Variants in CCDC171 observed in about 807,000 individuals in gnomAD.
CCDC171 encodes coiled-coil domain-containing protein 171.
A neutral mutation model predicts 168.2 loss-of-function variants in CCDC171; 177 were observed. The observed-to-expected ratio is 1.05, with a 90% CI of 0.93 to 1.19. The LOEUF (loss-of-function observed/expected upper bound fraction) is 1.19. Ranked by LOEUF, CCDC171 falls within the 50% of genes most tolerant of loss-of-function variation. The pLI is 0.00. For synonymous variants in CCDC171, 687 were observed against 540.8 expected (o/e 1.27, Z -3.75); for missense variants, 1,991 against 1,539.0 (o/e 1.29, Z -4.91).
chr9:15,921,050 T>C (rs1438317463), intron 25 of CCDC171, among the ~76,000 whole-genome samples: 2 of 151,696 alleles, frequency 1.3e-5, no homozygotes, highest in Non-Finnish European at 3.0e-5. Context: ...TAAGTAAACA[T>C]TTAAACTTTC....
intron 21 of CCDC171, among the ~76,000 whole-genome samples, chr9:15,800,301 C>G (rs1441010504): frequency 6.6e-6 from 1 of 152,022 alleles, no homozygotes; most frequent in Non-Finnish European, 1.5e-5. Context: ...AGGATAAAAG[C>G]CATTTTAACT....
Position 15,817,015 on chromosome 9 carries a change from T to A in CCDC171, c.3268-29687T>A, listed in dbSNP as rs1047334744. ...ATAAAAGAAGTTTTATAGTTATGTG[T>A]GTGTGTGTATTTCCTTAAGGCTGTG... On this transcript the variant is annotated intron_variant, in intron 21 of 25. Transcript: ENST00000380701. 3.7e-4 allele frequency among the ~76,000 whole-genome samples: 44 copies of A among 117,918 alleles called. 11 individuals are homozygous for A. Among genetic ancestry groups the A allele is most frequent in the African/African-American group, 1.4e-3 (44 of 31,444 alleles). 77.4% of individuals were successfully genotyped at this position (117,918 alleles called of 152,430 possible).
At chr9:15,737,225 G>T (rs1234126039) in intron 16 of CCDC171, among the ~76,000 whole-genome samples, 1 of 152,016 alleles carries the variant, frequency 6.6e-6, no homozygotes, top group African/African-American at 2.4e-5. Flanking sequence ...ACACTGTGTT[G>T]CATGCTGTGG....
Position 15,779,037 on chromosome 9 carries a change from C to G in CCDC171, c.2968C>G (p.Arg990Gly), listed in dbSNP as rs753856863. 1.2e-6 allele frequency: 2 copies of G among 1,602,082 alleles called. No individual in the cohort carries two copies. The highest frequency in any genetic ancestry group is 2.3e-5 in the East Asian group (1 of 44,420). The change falls in exon 20 of 26, where the codon CGC (arginine) becomes GGC (glycine). Residue 990 changes from arginine to glycine, a missense_variant. Physicochemically the swap from Arg to Gly is moderately radical, Grantham distance 125. Coordinates refer to ENST00000380701, the MANE Select transcript of CCDC171 (RefSeq NM_173550.4). ...AAGACTGCATGCTGCAGAAGTGGAG[C>G]GCCGCTCACTACGCTTAGAGGTCAC... ...TQRLHAAEVE[R>G]RSLRLEVTEF...
At chr9:16,095,804 G>C in the CCDC171 span, among the ~76,000 whole-genome samples, 1 of 149,646 alleles carries the variant, frequency 6.7e-6, no homozygotes, top group Non-Finnish European at 1.5e-5. Flanking sequence ...GGCTATTTCG[G>C]TGTTGGAGTG....
At chr9:15,659,573 C>G (rs368139067) in intron 8 of CCDC171, among the ~76,000 whole-genome samples, 109 of 152,062 alleles carry the variant, frequency 7.2e-4, no homozygotes, top group African/African-American at 2.4e-3. Flanking sequence ...TTTAGCTGGT[C>G]AGTTATTACA....
intron 18 of CCDC171, among the ~76,000 whole-genome samples, chr9:15,749,736 A>T (rs962326223): frequency 6.6e-6 from 1 of 152,116 alleles, no homozygotes. Context: ...GGTAAATAAC[A>T]AAATGAAGGC....
At chr9:15,651,038 A>T (rs1249172834) in intron 7 of CCDC171, among the ~76,000 whole-genome samples, 1 of 152,078 alleles carries the variant, frequency 6.6e-6, no homozygotes, top group Non-Finnish European at 1.5e-5. Context: ...AGCCTCTGAT[A>T]ACTATCCTAA....
At chr9:15,625,217 C>T (rs568840801) in intron 7 of CCDC171, among the ~76,000 whole-genome samples, 2 of 152,200 alleles carry the variant, frequency 1.3e-5, no homozygotes, top group African/African-American at 4.8e-5. Context: ...TGGATATTAG[C>T]CTTTTGTCAG....
intron 3 of CCDC171, among the ~76,000 whole-genome samples, chr9:15,577,238 C>G (rs2040742420): frequency 6.6e-6 from 1 of 152,168 alleles, no homozygotes; most frequent in Non-Finnish European, 1.5e-5. Flanking sequence ...ACCATAAAAA[C>G]TCGTTTTTCT....
At chr9:15,590,220 T>C (rs1393996139) in intron 4 of CCDC171, among the ~76,000 whole-genome samples, 1 of 152,240 alleles carries the variant, frequency 6.6e-6, no homozygotes, top group East Asian at 1.9e-4. Context: ...GGACTTTTAA[T>C]GTATTTCCTT....
chr9:15,741,040 T>C (rs1202677281), intron 16 of CCDC171, among the ~76,000 whole-genome samples: 1 of 152,212 alleles, frequency 6.6e-6, no homozygotes, highest in Non-Finnish European at 1.5e-5. Flanking sequence ...TTTTTTATTA[T>C]GGAATTCTAA....
chr9:15,629,920 C>T (rs13297495), intron 7 of CCDC171, among the ~76,000 whole-genome samples: 2 of 152,104 alleles, frequency 1.3e-5, no homozygotes, highest in East Asian at 3.9e-4. Flanking sequence ...TCTTATCCAG[C>T]CAAACTAAGC....
chr9:16,014,357 T>C (rs113034544), intron 3 of CCDC171, among the ~76,000 whole-genome samples: 2,767 of 152,284 alleles, frequency 0.018, 79 homozygotes, highest in African/African-American at 0.062. Flanking sequence ...ATTTCCACCA[T>C]CTTGGCAGTG....
At chr9:15,676,962 G>C (rs953919922) in intron 9 of CCDC171, among the ~76,000 whole-genome samples, 1 of 152,052 alleles carries the variant, frequency 6.6e-6, no homozygotes, top group Admixed American at 6.6e-5. Flanking sequence ...ATAATAATAC[G>C]TGTGTTTCCA....
chr9:15,951,159 C>T (rs955728029), intron 25 of CCDC171, among the ~76,000 whole-genome samples: 3 of 150,566 alleles, frequency 2.0e-5, no homozygotes, highest in African/African-American at 7.3e-5. Flanking sequence ...ACTTAGACTC[C>T]TACACATTAA....
chr9:15,609,149 G>A (rs572916154), intron 6 of CCDC171, among the ~76,000 whole-genome samples: 1 of 151,522 alleles, frequency 6.6e-6, no homozygotes, highest in South Asian at 2.1e-4. Flanking sequence ...ATCTAGGCTG[G>A]AGTGCAGTGG....
At chr9:15,912,645 G>A (rs1323059903) in intron 24 of CCDC171, among the ~76,000 whole-genome samples, 1 of 152,124 alleles carries the variant, frequency 6.6e-6, no homozygotes, top group Admixed American at 6.5e-5. Flanking sequence ...TCCGGTTTTT[G>A]CCCATTCAGT....
At chr9:15,971,415 GTAAA>G (rs1203860664) in intron 25 of CCDC171, among the ~76,000 whole-genome samples, 190 bp from the exon 26 acceptor site, 22 of 152,182 alleles carry the variant, frequency 1.4e-4, no homozygotes, top group Admixed American at 4.6e-4. Flanking sequence ...TCAGAAAAGA[GTAAA>G]TAAGGGATTC....
Sources: gnomAD v4.1 joint callset for allele counts (sites outside exome capture counted in the v4.1 genomes callset) on GRCh38, gnomAD v4.1.1 for gene constraint, MANE v1.5 for transcripts, NCBI Gene and HGNC (gene_info 2026-07-23, HGNC 2026-07-21) for gene names.